CAPS2: variants seen among roughly 807,000 people sequenced by gnomAD.
CAPS2 encodes the protein calcyphosin-2.
Under a neutral mutation model 86.5 loss-of-function variants are expected in CAPS2, and 98 were observed. The ratio of observed to expected loss-of-function variants is 1.13; its 90% CI spans 0.96 to 1.34. CAPS2 has a LOEUF of 1.34. CAPS2 is among the 40% of genes most tolerant of loss of function. The pLI, the probability that CAPS2 is intolerant of heterozygous loss-of-function variation, is 0.00. For synonymous variants in CAPS2, 210 were observed against 225.1 expected (o/e 0.93, Z 0.60); for missense variants, 729 against 686.8 (o/e 1.06, Z -0.69).
intron 1 of CAPS2, chr12:75,366,799 A>G (rs1205344284): frequency 1.4e-6 from 1 of 694,038 alleles, no homozygotes; most frequent in Admixed American, 2.0e-5. Flanking sequence ...TCAGAGGTCT[A>G]TCACCTCTGA....
At chr12:75,317,200 T>A (rs1213691602) in intron 5 of CAPS2, among the ~76,000 whole-genome samples, 2 of 152,294 alleles carry the variant, frequency 1.3e-5, no homozygotes, top group East Asian at 3.9e-4. Flanking sequence ...TTGTCTGTCA[T>A]TTTTATTGCT....
At position 75,354,937 on chromosome 12, in the gene CAPS2, T is replaced by C. The variant is rs556399979; in HGVS notation, c.-394-31715A>G. Among the ~76,000 whole-genome samples the C allele has an allele frequency of 3.9e-5, 6 of 152,210 alleles. No individual in the cohort carries two copies. The South Asian group carries it at 1.0e-3, about 26-fold the overall frequency. ...GAACAGGCTAGCCATATGCAGAGAA[T>C]TGAAACTGCACAACTTCCTTACACC... On this transcript the variant is annotated intron_variant, in intron 1 of 5. Transcript: ENST00000551829.
exon 17 of CAPS2, chr12:75,277,524 A>T: frequency 2.2e-6 from 2 of 925,346 alleles, no homozygotes; most frequent in Non-Finnish European, 2.6e-6. Flanking sequence ...TTTTTAAAAA[A>T]ATCAAGAAAT....
upstream of CAPS2, chr12:75,329,719 C>T: frequency 1.3e-6 from 1 of 798,804 alleles, no homozygotes; most frequent in Non-Finnish European, 1.9e-6. Context: ...GACTACAGAC[C>T]CAGATATCTG....
At chr12:75,390,266 G>T (rs2045513298) in intron 1 of CAPS2, 1 of 455,808 alleles carries the variant, frequency 2.2e-6, no homozygotes, top group African/African-American at 2.0e-5. Context: ...AAATCAGCTA[G>T]ATATTAGCCA....
intron 1 of CAPS2, chr12:75,366,887 TC>T: frequency 1.4e-6 from 1 of 701,620 alleles, no homozygotes; most frequent in Non-Finnish European, 2.6e-6. Context: ...TGTTGAGGGT[TC>T]CCTGTAGGGC....
intron 1 of CAPS2, among the ~76,000 whole-genome samples, chr12:75,361,291 A>G (rs916209556): frequency 6.6e-6 from 1 of 152,194 alleles, no homozygotes; most frequent in Non-Finnish European, 1.5e-5. Context: ...GGGTAGGTAT[A>G]TGTAAAATAG....
chr12:75,347,547 A>G, intron 1 of CAPS2: 1 of 884,954 alleles, frequency 1.1e-6, no homozygotes, highest in Non-Finnish European at 1.9e-6. Context: ...GACAAAGATT[A>G]TACCAATTCT....
chr12:75,288,275 G>T (rs2035254633), intron 14 of CAPS2, among the ~76,000 whole-genome samples: 1 of 152,124 alleles, frequency 6.6e-6, no homozygotes. Flanking sequence ...AAACCAAAAA[G>T]ATGGGTATGT....
At chr12:75,276,068 G>A (rs567131508), downstream of CAPS2, 181 of 761,252 alleles carry the variant, frequency 2.4e-4, no homozygotes, top group Middle Eastern at 1.0e-3. Context: ...AAAATGGAAC[G>A]ATATGTATGA....
chr12:75,341,823 C>T (rs1258800967), intron 1 of CAPS2, among the ~76,000 whole-genome samples: 1 of 143,058 alleles, frequency 7.0e-6, no homozygotes, highest in African/African-American at 2.6e-5. Flanking sequence ...GGTCTTGGCT[C>T]ACTGCAACCT....
chr12:75,284,544 G>T (rs1320228688), intron 15 of CAPS2, among the ~76,000 whole-genome samples: 3 of 151,986 alleles, frequency 2.0e-5, no homozygotes, highest in Non-Finnish European at 2.9e-5. Flanking sequence ...AAAATGACTG[G>T]AGTATTGACA....
At chr12:75,390,641 T>A (rs2045539714) in intron 1 of CAPS2, among the ~76,000 whole-genome samples, 1 of 152,132 alleles carries the variant, frequency 6.6e-6, no homozygotes, top group African/African-American at 2.4e-5. Context: ...GGAAAAAAAA[T>A]TTAATTGAAT....
At chr12:75,321,047 T>C (rs2040251208) in intron 5 of CAPS2, among the ~76,000 whole-genome samples, 1 of 152,000 alleles carries the variant, frequency 6.6e-6, no homozygotes, top group Non-Finnish European at 1.5e-5. Context: ...TTTTAAAATT[T>C]AGACTGTCAG....
chr12:75,333,084 T>C (rs970502313), upstream of CAPS2, among the ~76,000 whole-genome samples: 11 of 152,306 alleles, frequency 7.2e-5, no homozygotes, highest in Middle Eastern at 3.4e-3. Flanking sequence ...TAGTGTCTTT[T>C]GGGCCATACC....
intron 14 of CAPS2, among the ~76,000 whole-genome samples, chr12:75,288,605 A>G (rs1279019551): frequency 6.6e-6 from 1 of 152,242 alleles, no homozygotes; most frequent in Non-Finnish European, 1.5e-5. Flanking sequence ...AATCCTTGAG[A>G]CAAATGTGGT....
chr12:75,371,168 A>C (rs981218149), intron 1 of CAPS2: 13 of 152,578 alleles, frequency 8.5e-5, no homozygotes, highest in African/African-American at 2.9e-4. Flanking sequence ...AAAAGTCGGG[A>C]AGCCGACAAT....
intron 1 of CAPS2, chr12:75,366,778 A>G: frequency 1.5e-6 from 1 of 673,770 alleles, no homozygotes; most frequent in Admixed American, 2.1e-5. Flanking sequence ...TATGTGTCTC[A>G]GTTTCTCTCT....
chr12:75,379,022 CTTTG>C (rs1273150717), intron 1 of CAPS2, among the ~76,000 whole-genome samples: 7 of 152,028 alleles, frequency 4.6e-5, no homozygotes, highest in Non-Finnish European at 8.8e-5. Context: ...CTACCTATTG[CTTTG>C]TTTATCATTT....
Sources: gnomAD v4.1 joint callset for allele counts (sites outside exome capture counted in the v4.1 genomes callset) on GRCh38, gnomAD v4.1.1 for gene constraint, MANE v1.5 for transcripts, NCBI Gene and HGNC (gene_info 2026-07-23, HGNC 2026-07-21) for gene names.